Variants in ALK observed in about 807,000 individuals in gnomAD.
The protein encoded by ALK is ALK receptor tyrosine kinase.
In ALK, 74 loss-of-function variants were observed where a neutral mutation model predicts 163.1. The observed-to-expected ratio is 0.45, with a 90% CI of 0.38 to 0.55. ALK has a LOEUF of 0.55. ALK is among the 20% of genes least tolerant of loss of function. ALK has a pLI of 0.00. For synonymous variants in ALK, 960 were observed against 843.2 expected (o/e 1.14, Z -2.40); for missense variants, 2,063 against 2,105.3 (o/e 0.98, Z 0.39).
At chr2:29,778,490 G>C (rs1681240512) in intron 1 of ALK, among the ~76,000 whole-genome samples, 1 of 152,200 alleles carries the variant, frequency 6.6e-6, no homozygotes, top group African/African-American at 2.4e-5. Context: ...AGATGGTTCA[G>C]GTTGGCCGCC....
At chr2:29,862,240 T>C (rs1285798065) in intron 1 of ALK, among the ~76,000 whole-genome samples, 2 of 152,162 alleles carry the variant, frequency 1.3e-5, no homozygotes. Flanking sequence ...TCTGACCATT[T>C]CTATTCAATG....
At chr2:29,295,310 G>C (rs1297786095) in intron 9 of ALK, among the ~76,000 whole-genome samples, 2 of 152,126 alleles carry the variant, frequency 1.3e-5, no homozygotes, top group Non-Finnish European at 2.9e-5. Context: ...CTATGAAAGA[G>C]AGAAGACTTG....
chr2:29,274,175 C>T (rs1224282365), intron 11 of ALK, among the ~76,000 whole-genome samples: 1 of 152,190 alleles, frequency 6.6e-6, no homozygotes, highest in Non-Finnish European at 1.5e-5. Flanking sequence ...CAAAGCCATG[C>T]TAATGTCTAG....
At chr2:29,372,174 T>C (rs774383063) in intron 5 of ALK, among the ~76,000 whole-genome samples, 11 of 152,182 alleles carry the variant, frequency 7.2e-5, no homozygotes, top group Non-Finnish European at 1.5e-4. Flanking sequence ...AACATCTAAG[T>C]GTGAGTGCTG....
intron 4 of ALK, among the ~76,000 whole-genome samples, chr2:29,489,201 C>G (rs1010649943): frequency 6.6e-6 from 1 of 152,160 alleles, no homozygotes; most frequent in Non-Finnish European, 1.5e-5. Context: ...GACTTTCTAT[C>G]CCTAAGGCTT....
chr2:29,195,029 A>G (rs959926213), intron 28 of ALK, among the ~76,000 whole-genome samples: 2 of 152,214 alleles, frequency 1.3e-5, no homozygotes, highest in African/African-American at 4.8e-5. Context: ...AAATACCCTC[A>G]TTACCTGAGT....
At chr2:29,347,953 T>C (rs1327097831) in intron 5 of ALK, among the ~76,000 whole-genome samples, 2 of 152,202 alleles carry the variant, frequency 1.3e-5, no homozygotes, top group Non-Finnish European at 1.5e-5. Flanking sequence ...CAAATTACAT[T>C]GGTGCTGGTT....
chr2:29,324,432 A>G (rs1459742064), intron 6 of ALK, among the ~76,000 whole-genome samples: 2 of 152,238 alleles, frequency 1.3e-5, no homozygotes, highest in Non-Finnish European at 2.9e-5. Context: ...TGAATGTTTG[A>G]GAGGGAGGAT....
chr2:29,874,598 A>G (rs900652325), intron 1 of ALK, among the ~76,000 whole-genome samples: 2 of 152,204 alleles, frequency 1.3e-5, no homozygotes, highest in African/African-American at 4.8e-5. Flanking sequence ...CCAAATTACC[A>G]ATGTCATTTC....
intron 9 of ALK, among the ~76,000 whole-genome samples, chr2:29,283,383 T>G (rs1665763344): frequency 6.6e-6 from 1 of 152,150 alleles, no homozygotes; most frequent in African/African-American, 2.4e-5. Flanking sequence ...CCATTCTTCT[T>G]GGAGGGACAG....
intron 3 of ALK, among the ~76,000 whole-genome samples, chr2:29,591,095 A>AAAAAC (rs1675045029): frequency 6.7e-6 from 1 of 148,664 alleles, no homozygotes; most frequent in African/African-American, 2.5e-5. Context: ...AAAAAAAAAA[A>AAAAAC]AAAAATCCCA....
chr2:29,213,954 G>A (rs2148159155), intron 24 of ALK, 30 bp downstream of exon 24: 3 of 1,578,866 alleles, frequency 1.9e-6, no homozygotes, highest in Non-Finnish European at 2.6e-6. Context: ...GCGACAGGAT[G>A]ACAGGAAGAG....
intron 4 of ALK, among the ~76,000 whole-genome samples, chr2:29,416,097 G>A (rs778326792): frequency 1.2e-4 from 19 of 152,156 alleles, no homozygotes; most frequent in South Asian, 2.1e-4. Context: ...CTATAATCAC[G>A]TGAGCCAATT....
At chr2:29,488,542 C>T (rs1322876656) in intron 4 of ALK, among the ~76,000 whole-genome samples, 1 of 152,128 alleles carries the variant, frequency 6.6e-6, no homozygotes, top group Non-Finnish European at 1.5e-5. Flanking sequence ...GGTAAGAATC[C>T]AGATAGCTTT....
intron 26 of ALK, among the ~76,000 whole-genome samples, chr2:29,198,614 T>G (rs1669082032): frequency 6.6e-6 from 1 of 152,246 alleles, no homozygotes; most frequent in Non-Finnish European, 1.5e-5. Flanking sequence ...TTATTTGGTT[T>G]CCAAATGTGT....
intron 3 of ALK, among the ~76,000 whole-genome samples, chr2:29,600,630 T>G (rs936634175): frequency 1.1e-4 from 16 of 152,196 alleles, no homozygotes; most frequent in Non-Finnish European, 1.9e-4. Context: ...GCTCACGTGC[T>G]CAGGACTGTT....
intron 3 of ALK, among the ~76,000 whole-genome samples, chr2:29,601,741 G>T (rs1049928181): frequency 6.6e-6 from 1 of 152,144 alleles, no homozygotes; most frequent in Non-Finnish European, 1.5e-5. Flanking sequence ...GAGTGATGCC[G>T]GGTTCAAGCA....
chr2:29,401,404 C>T (rs568668402), intron 4 of ALK, among the ~76,000 whole-genome samples: 14 of 152,204 alleles, frequency 9.2e-5, no homozygotes, highest in Non-Finnish European at 1.6e-4. Flanking sequence ...CTTGACCCTC[C>T]CAGCCAACCC....
chr2:29,824,522 G>A (rs1301437578), intron 1 of ALK, among the ~76,000 whole-genome samples: 1 of 152,266 alleles, frequency 6.6e-6, no homozygotes, highest in Non-Finnish European at 1.5e-5. Flanking sequence ...AGCTGTCCGA[G>A]GCTGTGGGAG....
Sources: allele counts gnomAD v4.1 joint callset (sites outside exome capture counted in the v4.1 genomes callset), GRCh38; gene constraint gnomAD v4.1.1; transcripts MANE v1.5; gene names NCBI Gene and HGNC (gene_info 2026-07-23, HGNC 2026-07-21).